FRMPD4: variants seen among roughly 807,000 people sequenced by gnomAD.
FRMPD4 encodes FERM and PDZ domain containing 4, also known as FERM and PDZ domain-containing protein 4.
A neutral mutation model predicts 94.1 loss-of-function variants in FRMPD4; 22 were observed. That is an observed-to-expected ratio of 0.23 (90% CI 0.17 to 0.33). The LOEUF is 0.33. Ranked by LOEUF, FRMPD4 falls within the 10% of genes least tolerant of loss-of-function variation. The pLI is 1.00. For missense variants in FRMPD4, 1,111 were observed against 1,339.9 expected (o/e 0.83, Z 2.67); for synonymous variants, 631 against 548.6 (o/e 1.15, Z -2.10).
chrX:12,150,095 C>T (rs148665877), intron 1 of FRMPD4, among the ~76,000 whole-genome samples: 1,529 of 112,077 alleles, frequency 0.014, 30 homozygotes, highest in African/African-American at 0.046. Flanking sequence ...ACTGGGAAAC[C>T]AAAAAAATTA....
At chrX:12,188,979 A>G (rs137980180) in intron 1 of FRMPD4, among the ~76,000 whole-genome samples, 485 of 111,829 alleles carry the variant, frequency 4.3e-3, no homozygotes, top group African/African-American at 0.015. Context: ...ATCAATAAAG[A>G]AATTTCTTTT....
chrX:12,030,417 G>GT (rs2054684974), intron 3 of FRMPD4, among the ~76,000 whole-genome samples: 2 of 111,608 alleles, frequency 1.8e-5, no homozygotes, highest in Non-Finnish European at 3.8e-5. Context: ...GCTTTTTTTT[G>GT]TGGGGGGGAG....
intron 4 of FRMPD4, among the ~76,000 whole-genome samples, chrX:12,625,405 T>A (rs1569371679): frequency 1.8e-5 from 2 of 111,648 alleles, no homozygotes; most frequent in African/African-American, 3.3e-5. Context: ...CATCAATGGA[T>A]GAATGGATAA....
intron 1 of FRMPD4, among the ~76,000 whole-genome samples, chrX:12,287,624 G>T (rs1204894250): frequency 1.8e-5 from 2 of 111,829 alleles, no homozygotes; most frequent in Admixed American, 1.9e-4. Context: ...GAGTTATTGA[G>T]TTGAGACCAA....
intron 2 of FRMPD4, among the ~76,000 whole-genome samples, chrX:12,501,756 A>G (rs151176919): frequency 1.9e-4 from 21 of 111,357 alleles, no homozygotes; most frequent in African/African-American, 6.8e-4. Context: ...AGACAAAGCT[A>G]TGGGAGGAAG....
At chrX:12,713,448 C>T (rs1287257885) in intron 14 of FRMPD4, among the ~76,000 whole-genome samples, 1 of 107,846 alleles carries the variant, frequency 9.3e-6, no homozygotes, top group African/African-American at 3.4e-5. Flanking sequence ...AATACCTATC[C>T]CCACTCTCAA....
chrX:11,990,950 T>G (rs7053308), intron 3 of FRMPD4, among the ~76,000 whole-genome samples: 5,652 of 111,215 alleles, frequency 0.051, 382 homozygotes, highest in African/African-American at 0.17. Context: ...ACTGTAGGAC[T>G]GTGTATTCTG....
intron 1 of FRMPD4, among the ~76,000 whole-genome samples, chrX:12,299,319 GGAAGAA>G (rs201208009): frequency 3.7e-5 from 4 of 109,321 alleles, no homozygotes; most frequent in Non-Finnish European, 7.6e-5. Context: ...AGGAGGAAGA[GGAAGAA>G]GAAGAAGAAG....
At chrX:12,445,804 A>G (rs2057188129) in intron 1 of FRMPD4, among the ~76,000 whole-genome samples, 1 of 112,634 alleles carries the variant, frequency 8.9e-6, no homozygotes, top group South Asian at 3.7e-4. Context: ...AAAATGTTTC[A>G]TGGCTGACAT....
At chrX:12,023,234 G>A (rs969327185) in intron 3 of FRMPD4, among the ~76,000 whole-genome samples, 7 of 111,286 alleles carry the variant, frequency 6.3e-5, no homozygotes, top group East Asian at 2.8e-4. Context: ...TGCCTTGATC[G>A]TATACTTTTC....
intron 2 of FRMPD4, among the ~76,000 whole-genome samples, chrX:11,876,353 C>G (rs937837368): frequency 2.9e-5 from 3 of 104,283 alleles, no homozygotes; most frequent in Non-Finnish European, 3.9e-5. Flanking sequence ...ATTTTTTCCT[C>G]ATTTTTTTTT....
At position 12,130,102 on chromosome X, in the gene FRMPD4, A is replaced by AAGAGAGAGAGAG. The variant is rs10533802; in HGVS notation, c.95+252106_95+252117dup. On this transcript the variant is annotated intron_variant, in intron 3 of 18. Coordinates refer to the FRMPD4 transcript ENST00000640291. ...TTAAATGGAAAAAGGGAGCCAGCGG[A>AAGAGAGAGAGAG]AGAGAGAGAGAGAGAGAGAGAGAGA... 5.0e-3 allele frequency among the ~76,000 whole-genome samples: 468 copies of AAGAGAGAGAGAG among 92,694 alleles called. 12 individuals carry two copies. In the East Asian group the frequency reaches 0.11, roughly 21 times the overall value. The allele number at this position is 92,694 out of a possible 115,157, so 80.5% of individuals were successfully genotyped here.
intron 3 of FRMPD4, among the ~76,000 whole-genome samples, chrX:12,017,739 C>G (rs970820319): frequency 8.9e-6 from 1 of 112,141 alleles, no homozygotes; most frequent in African/African-American, 3.2e-5. Flanking sequence ...TCCTTATTCT[C>G]TCTCAAAAGA....
At chrX:11,850,054 C>G (rs1281592420) in intron 1 of FRMPD4, among the ~76,000 whole-genome samples, 2 of 111,872 alleles carry the variant, frequency 1.8e-5, no homozygotes, top group Non-Finnish European at 3.8e-5. Flanking sequence ...TATATTCAGA[C>G]TATATGAAGA....
Position 12,718,623 on chromosome X carries a change from C to G in FRMPD4, c.3797C>G (p.Pro1266Arg), listed in dbSNP as rs907254169. 1.7e-6 allele frequency: 2 copies of G among 1,209,281 alleles called. No homozygotes were observed. Among genetic ancestry groups the G allele is most frequent in the Non-Finnish European group, 2.2e-6 (2 of 894,463 alleles). ...TACATTCCTTCAGAGGAGAGAGCCC[C>G]TGGGCTTCCCAACCACGGAGCCACC... ...VNYIPSEERAPGLPNHGATFK... is the reference protein window; with the variant it reads ...VNYIPSEERARGLPNHGATFK... Residue 1266 changes from proline (P) to arginine (R), a missense_variant, in exon 16 of 17, where the codon CCT becomes CGT. Pro to Arg is a moderately radical substitution (Grantham distance 103). Around this residue, in one of 8 missense-constraint regions of FRMPD4, gnomAD observed 551 missense variants for 591.6 expected, o/e 0.93. Coordinates refer to ENST00000675598, the MANE Select transcript of FRMPD4 (RefSeq NM_001368397.1).
chrX:12,235,160 C>T (rs900605145), intron 1 of FRMPD4, among the ~76,000 whole-genome samples: 1 of 111,778 alleles, frequency 8.9e-6, no homozygotes, highest in Admixed American at 9.5e-5. Context: ...AAAGAGGGTG[C>T]TGTGTCAGCA....
At chrX:11,884,444 T>A (rs901681894) in intron 3 of FRMPD4, among the ~76,000 whole-genome samples, 1 of 112,018 alleles carries the variant, frequency 8.9e-6, no homozygotes, top group African/African-American at 3.2e-5. Context: ...CATGTCCTTA[T>A]TCTCAGTGCC....
chrX:11,852,700 A>T (rs2053631954), intron 1 of FRMPD4, among the ~76,000 whole-genome samples: 1 of 111,404 alleles, frequency 9.0e-6, no homozygotes, highest in African/African-American at 3.3e-5. Flanking sequence ...TTCAACAAGA[A>T]GACCTAAAAA....
intron 1 of FRMPD4, among the ~76,000 whole-genome samples, chrX:12,266,164 GAAAAC>G (rs2054274537): frequency 1.2e-5 from 1 of 84,696 alleles, no homozygotes; most frequent in African/African-American, 4.4e-5. Flanking sequence ...AAAAAAAAGA[GAAAAC>G]AAAAAATGAA....
Sources: gnomAD v4.1 joint callset for allele counts (sites outside exome capture counted in the v4.1 genomes callset) on GRCh38, gnomAD v4.1.1 for gene constraint, gnomAD v4.1.1 regional missense constraint, MANE v1.5 for transcripts, NCBI Gene and HGNC (gene_info 2026-07-23, HGNC 2026-07-21) for gene names.